The following DPP6 variants were observed in gnomAD, a reference collection of about 807,000 sequenced individuals.
DPP6 encodes the protein dipeptidyl peptidase like 6.
DPP6 carries 69 observed loss-of-function variants against 122.6 expected under a neutral mutation model. That is an observed-to-expected ratio of 0.56 (90% CI 0.46 to 0.69). The LOEUF is 0.69. Among genes scored for constraint, DPP6 ranks in the 30% least tolerant of loss-of-function variants. The pLI, the probability that DPP6 is intolerant of heterozygous loss-of-function variation, is 0.00. For missense variants in DPP6, 928 were observed against 1,116.9 expected (o/e 0.83, Z 2.41); for synonymous variants, 418 against 433.1 (o/e 0.97, Z 0.43).
rs568177720 is a variant in DPP6, at chr7:154,304,727, A to G, written c.244-141487A>G. Reference sequence around the variant, plus strand: ...AACAAAGCCCAAGATTTCAACAACCAGTGTTCCTGCCAAATCCACTGGGCA... The same window carrying G: ...AACAAAGCCCAAGATTTCAACAACCGGTGTTCCTGCCAAATCCACTGGGCA... On this transcript the variant is annotated intron_variant, in intron 1 of 25. Transcript: ENST00000377770. Among the ~76,000 whole-genome samples the G allele has an allele frequency of 3.3e-5, 5 of 152,332 alleles. No individual in the cohort carries two copies. The South Asian group carries it at 1.0e-3, about 32-fold the overall frequency.
At chr7:153,899,107 T>C (rs1462183283) in intron 1 of DPP6, among the ~76,000 whole-genome samples, 1 of 151,500 alleles carries the variant, frequency 6.6e-6, no homozygotes, top group Non-Finnish European at 1.5e-5. Flanking sequence ...CCTCCCCACC[T>C]CCTCTTCACT....
the DPP6 span, among the ~76,000 whole-genome samples, chr7:153,750,857 T>C: frequency 6.6e-6 from 1 of 152,208 alleles, no homozygotes; most frequent in Non-Finnish European, 1.5e-5. Flanking sequence ...GTGAAATCCA[T>C]TAGCTAGAAG....
At chr7:154,555,340 A>G (rs2130419733) in intron 4 of DPP6, among the ~76,000 whole-genome samples, 1 of 152,274 alleles carries the variant, frequency 6.6e-6, no homozygotes, top group Admixed American at 6.5e-5. Flanking sequence ...GCTGGAAACC[A>G]TCATTCCCAG....
chr7:154,585,122 T>TC (rs1443761359), intron 5 of DPP6, among the ~76,000 whole-genome samples: 1 of 754 alleles, frequency 1.3e-3, no homozygotes, highest in Non-Finnish European at 4.6e-3. Flanking sequence ...CTGTCTACAG[T>TC]CTTGTAGTTT....
intron 1 of DPP6, among the ~76,000 whole-genome samples, chr7:154,344,077 A>C (rs1448141700): frequency 6.6e-6 from 1 of 152,118 alleles, no homozygotes; most frequent in Non-Finnish European, 1.5e-5. Flanking sequence ...AGAAGAAGAG[A>C]CTGATGAAAG....
Position 154,423,245 on chromosome 7 carries a change from T to G in DPP6, c.244-22969T>G, listed in dbSNP as rs117249440. Among the ~76,000 whole-genome samples, 13 of 151,394 alleles carry G rather than the reference T, an allele frequency of 8.6e-5. No individual in the cohort carries two copies. The East Asian group carries it at 2.3e-3, about 27-fold the overall frequency. On this transcript the variant is annotated intron_variant, in intron 1 of 25. Transcript: ENST00000377770. ...CATTTATAAAAGGAGAAGGAAGGAGTGGAGAGAGTTAAGCAGGATTTAGTA... is the reference window on the plus strand; with the variant it reads ...CATTTATAAAAGGAGAAGGAAGGAGGGGAGAGAGTTAAGCAGGATTTAGTA...
chr7:154,646,953 T>C (rs945037816), intron 6 of DPP6, among the ~76,000 whole-genome samples: 3 of 152,246 alleles, frequency 2.0e-5, no homozygotes, highest in Non-Finnish European at 4.4e-5. Context: ...AGGGACTTTC[T>C]TAGAAAGTCT....
rs528089490 is a variant in DPP6 at position 154,779,592 on chromosome 7, C to T, written c.1136+6650C>T. On this transcript the variant is annotated intron_variant, in intron 10 of 25. Coordinates refer to ENST00000377770, the MANE Select transcript of DPP6 (RefSeq NM_130797.4). ...GCTCAGCATTGTTTAAGAGCTGTCA[C>T]GCCTACTGTATTTCCCTTTGTGCTT... 4.6e-5 allele frequency among the ~76,000 whole-genome samples: 7 copies of T among 152,366 alleles called. No homozygotes were observed. The East Asian group carries it at 5.8e-4, about 13-fold the overall frequency.
At chr7:153,951,967 C>T (rs141804610) in intron 1 of DPP6, among the ~76,000 whole-genome samples, 2,498 of 152,240 alleles carry the variant, frequency 0.016, 68 homozygotes, top group African/African-American at 0.056. Flanking sequence ...CACATGAACC[C>T]GGGAAGCGGA....
At chr7:154,339,934 A>G (rs1169922439) in intron 1 of DPP6, among the ~76,000 whole-genome samples, 7 of 152,060 alleles carry the variant, frequency 4.6e-5, no homozygotes, top group Non-Finnish European at 7.4e-5. Context: ...TTAGCTGGGC[A>G]TGGGTGCACA....
intron 2 of DPP6, among the ~76,000 whole-genome samples, chr7:154,463,151 C>T (rs1258726874): frequency 6.7e-6 from 1 of 148,922 alleles, no homozygotes; most frequent in Non-Finnish European, 1.5e-5. Flanking sequence ...GAGCTGGTAC[C>T]TAAGTTGCAA....
At position 154,490,568 on chromosome 7, in the gene DPP6, C is replaced by T. The variant is rs558535654; in HGVS notation, c.457+15531C>T. On this transcript the variant is annotated intron_variant, in intron 3 of 25. Coordinates refer to ENST00000377770, the MANE Select transcript of DPP6 (RefSeq NM_130797.4). The stretch of plus-strand genomic sequence containing the variant: ...TTACTTATTTTTGCTGTTAGCTTCT[C>T]ACTCCCATCTCAAACACCTCTGGGC... 2.0e-5 allele frequency among the ~76,000 whole-genome samples: 3 copies of T among 152,368 alleles called. No individual in the cohort carries two copies. In the East Asian group the frequency reaches 5.8e-4, roughly 29 times the overall value.
chr7:154,442,875 G>A (rs12540569), intron 1 of DPP6, among the ~76,000 whole-genome samples: 1 of 151,992 alleles, frequency 6.6e-6, no homozygotes, highest in Non-Finnish European at 1.5e-5. Flanking sequence ...CCTGTGCCTT[G>A]TTGGCCGCTC....
intron 1 of DPP6, among the ~76,000 whole-genome samples, chr7:153,903,742 T>C (rs1799734039): frequency 6.6e-6 from 1 of 152,226 alleles, no homozygotes; most frequent in Admixed American, 6.5e-5. Flanking sequence ...TCTTCTGTGC[T>C]GGAAGTGCTG....
At chr7:153,957,546 C>A (rs561774994) in intron 1 of DPP6, among the ~76,000 whole-genome samples, 1 of 152,104 alleles carries the variant, frequency 6.6e-6, no homozygotes, top group Non-Finnish European at 1.5e-5. Context: ...ATGCAAACTC[C>A]TCAGGTTATG....
intron 1 of DPP6, among the ~76,000 whole-genome samples, chr7:154,018,655 A>T (rs575609144): frequency 6.6e-6 from 1 of 152,362 alleles, no homozygotes; most frequent in South Asian, 2.1e-4. Flanking sequence ...GCAAAGGGTG[A>T]CTGTGATATT....
intron 23 of DPP6, among the ~76,000 whole-genome samples, chr7:154,888,908 T>G (rs1433011328): frequency 6.6e-6 from 1 of 152,192 alleles, no homozygotes; most frequent in Non-Finnish European, 1.5e-5. Flanking sequence ...AGAAAGCATG[T>G]GCAGGGAAAC....
intron 1 of DPP6, among the ~76,000 whole-genome samples, chr7:154,395,536 T>C (rs286831): frequency 0.13 from 19,230 of 152,212 alleles, 1,342 homozygotes; most frequent in South Asian, 0.17. Flanking sequence ...GTTGTTTTTA[T>C]CATTTCCTTT....
rs1390586288 is a variant in DPP6, at chr7:154,605,221, GATTATA to G, written c.628-32599_628-32594del. Reference sequence around the variant, plus strand: ...AAATGTCCAATATTAAACCAACCTTGATTATATTCCTAAAATACACCTTATTTAAAT... The same window carrying G: ...AAATGTCCAATATTAAACCAACCTTGTTCCTAAAATACACCTTATTTAAAT... On this transcript the variant is annotated intron_variant, in intron 5 of 25. Coordinates refer to ENST00000377770, the MANE Select transcript of DPP6 (RefSeq NM_130797.4). Among the ~76,000 whole-genome samples, 10 of 119,142 alleles carry G rather than the reference GATTATA, an allele frequency of 8.4e-5. 2 individuals are homozygous for G. The highest frequency in any genetic ancestry group is 1.7e-4 in the Non-Finnish European group (9 of 52,978). 78.2% of individuals were successfully genotyped at this position (119,142 alleles called of 152,430 possible).
Sources: gnomAD v4.1 joint callset for allele counts (sites outside exome capture counted in the v4.1 genomes callset) on GRCh38, gnomAD v4.1.1 for gene constraint, MANE v1.5 for transcripts, NCBI Gene and HGNC (gene_info 2026-07-23, HGNC 2026-07-21) for gene names.